Variants in ENTREP2 observed in about 807,000 individuals in gnomAD.
ENTREP2 encodes the protein endosomal transmembrane epsin interactor 2.
the ENTREP2 span, chr15:29,375,314 C>T: frequency 6.6e-6 from 1 of 152,210 alleles, no homozygotes; most frequent in Non-Finnish European, 1.5e-5. Flanking sequence ...TCAGATAGTT[C>T]TTTCATGGCC....
At chr15:29,323,374 C>T in the ENTREP2 span, among the ~76,000 whole-genome samples, 1 of 152,154 alleles carries the variant, frequency 6.6e-6, no homozygotes, top group Admixed American at 6.5e-5. Flanking sequence ...CAGAGAGCTT[C>T]CTGATAGCTG....
the ENTREP2 span, chr15:29,268,896 G>C: frequency 3.7e-6 from 6 of 1,614,136 alleles, no homozygotes; most frequent in Non-Finnish European, 5.1e-6. Context: ...CTTGATTATG[G>C]ACCTTGGCCA....
At chr15:29,448,075 C>CAA in the ENTREP2 span, among the ~76,000 whole-genome samples, 1 of 144,090 alleles carries the variant, frequency 6.9e-6, no homozygotes, top group Non-Finnish European at 1.5e-5. Context: ...CTCTCTGTCT[C>CAA]AAAAAAAAAA....
At chr15:29,456,515 C>T in the ENTREP2 span, among the ~76,000 whole-genome samples, 2 of 152,126 alleles carry the variant, frequency 1.3e-5, no homozygotes, top group African/African-American at 2.4e-5. Flanking sequence ...CTAAGTCAGT[C>T]GGCTGCCAAA....
At chr15:29,262,521 A>G in the ENTREP2 span, among the ~76,000 whole-genome samples, 1 of 152,238 alleles carries the variant, frequency 6.6e-6, no homozygotes, top group African/African-American at 2.4e-5. Context: ...CCAAAAGGAC[A>G]GGGTTCAGAG....
At chr15:29,179,800 TG>T in the ENTREP2 span, among the ~76,000 whole-genome samples, 8 of 152,098 alleles carry the variant, frequency 5.3e-5, no homozygotes, top group African/African-American at 1.9e-4. Context: ...TTAGCCAGGA[TG>T]GTCTCGATCT....
At chr15:29,278,968 C>T in the ENTREP2 span, among the ~76,000 whole-genome samples, 5 of 152,210 alleles carry the variant, frequency 3.3e-5, no homozygotes, top group Admixed American at 2.0e-4. Flanking sequence ...CAGATGACCA[C>T]GTTCTCACTG....
chr15:29,301,471 G>A, the ENTREP2 span, among the ~76,000 whole-genome samples: 18,371 of 152,138 alleles, frequency 0.12, 1,278 homozygotes, highest in African/African-American at 0.18. Flanking sequence ...GTGATTTTAC[G>A]GTAATAGGCA....
chr15:29,249,423 A>T, the ENTREP2 span, among the ~76,000 whole-genome samples: 2 of 152,374 alleles, frequency 1.3e-5, no homozygotes, highest in East Asian at 3.9e-4. Context: ...ACATACATGC[A>T]TGCATACCCA....
At chr15:29,269,304 G>C in the ENTREP2 span, 1 of 1,614,208 alleles carries the variant, frequency 6.2e-7, no homozygotes, top group Non-Finnish European at 8.5e-7. Flanking sequence ...AGACGTACTG[G>C]AGGCGCTCGG....
chr15:29,434,819 A>C, the ENTREP2 span, among the ~76,000 whole-genome samples: 2 of 152,176 alleles, frequency 1.3e-5, no homozygotes, highest in Non-Finnish European at 2.9e-5. Flanking sequence ...CGGTGAAAAA[A>C]GTCTTGTGTT....
chr15:29,613,878 G>A, the ENTREP2 span: 1 of 168,044 alleles, frequency 6.0e-6, no homozygotes, highest in Admixed American at 6.0e-5. Context: ...CTCTCACCAT[G>A]CCCAAACTCA....
the ENTREP2 span, among the ~76,000 whole-genome samples, chr15:29,542,322 G>A: frequency 6.6e-6 from 1 of 151,956 alleles, no homozygotes; most frequent in African/African-American, 2.4e-5. Context: ...GCTGCTTTAC[G>A]GAGTCTCACT....
chr15:29,126,499 A>G, the ENTREP2 span: 3 of 1,549,550 alleles, frequency 1.9e-6, no homozygotes, highest in African/African-American at 4.1e-5. Flanking sequence ...GTACTGCAAG[A>G]GAAGGGACAT....
chr15:29,121,995 C>G, the ENTREP2 span: 1 of 152,380 alleles, frequency 6.6e-6, no homozygotes, highest in Admixed American at 6.5e-5. Flanking sequence ...GCCCCCTGCC[C>G]TGGCACCCAG....
the ENTREP2 span, among the ~76,000 whole-genome samples, chr15:29,666,221 T>C: frequency 2.0e-5 from 3 of 151,966 alleles, no homozygotes; most frequent in Non-Finnish European, 4.4e-5. Context: ...GTTTCAAAGG[T>C]AACATGCCCA....
the ENTREP2 span, among the ~76,000 whole-genome samples, chr15:29,657,215 CT>C: frequency 3.3e-4 from 48 of 146,518 alleles, no homozygotes; most frequent in Middle Eastern, 3.5e-3. Flanking sequence ...GCCGCGCCAG[CT>C]TTTTTTTTTT....
At chr15:29,631,187 T>A in the ENTREP2 span, among the ~76,000 whole-genome samples, 1 of 152,232 alleles carries the variant, frequency 6.6e-6, no homozygotes, top group Admixed American at 6.5e-5. Context: ...TTGTAATTGC[T>A]TGTTGAAACT....
the ENTREP2 span, among the ~76,000 whole-genome samples, chr15:29,173,635 C>T: frequency 3.9e-5 from 6 of 152,142 alleles, no homozygotes; most frequent in South Asian, 2.1e-4. Flanking sequence ...GGTTCTGAAT[C>T]GGGGGGAGAT....
Sources: allele counts gnomAD v4.1 joint callset (sites outside exome capture counted in the v4.1 genomes callset), GRCh38; gene constraint gnomAD v4.1.1; transcripts MANE v1.5; gene names NCBI Gene and HGNC (gene_info 2026-07-23, HGNC 2026-07-21).